The following EVI5L variants were observed in gnomAD, a reference collection of about 807,000 sequenced individuals.
EVI5L encodes ecotropic viral integration site 5 like, also known as EVI5-like protein.
Under a neutral mutation model 106.1 loss-of-function variants are expected in EVI5L, and 30 were observed. The ratio of observed to expected loss-of-function variants is 0.28; its 90% confidence interval spans 0.21 to 0.38. The LOEUF is 0.38. EVI5L is among the 10% of genes least tolerant of loss of function. The probability of loss-of-function intolerance (pLI) is 1.00; values close to 1 mark genes in which losing one functional copy is unlikely to be tolerated. For missense variants in EVI5L, 809 were observed against 1,098.0 expected, an observed-to-expected ratio of 0.74 and a Z score of 3.72; for synonymous variants, 489 against 483.3, an observed-to-expected ratio of 1.01 and a Z score of -0.15.
chr19:7,833,373 T>C (rs996538222), intron 1 of EVI5L, among the ~76,000 whole-genome samples: 3 of 152,234 alleles, frequency 2.0e-5, no homozygotes, highest in Non-Finnish European at 2.9e-5. Context: ...CCAAGCACCA[T>C]TGACATATTA....
chr19:7,863,404 G>A lies in EVI5L; in HGVS notation c.2140-20G>A, dbSNP rs990284045. 5 of 1,530,582 alleles carry A rather than the reference G, an allele frequency of 3.3e-6. No individual in the cohort carries two copies. The African/African-American group carries it at 5.5e-5, about 17-fold the overall frequency. 94.8% of individuals were successfully genotyped at this position (1,530,582 alleles called of 1,614,324 possible). The stretch of plus-strand genomic sequence containing the variant: ...GGCAGAAGGCCGGTCCACGCCTGCA[G>A]CGCCGGTCCCCCGCCCCAGGTGCGG... On this transcript the variant is annotated intron_variant, in intron 19 of 19. Coordinates refer to ENST00000538904, the MANE Select transcript of EVI5L (RefSeq NM_001159944.3). The surrounding 1 kb of genome is among the most constrained non-coding windows in gnomAD (Gnocchi z 7.7).
rs1979982942 is a variant in EVI5L at position 7,863,784 on chromosome 19, C to T, written c.*82C>T. On this transcript the variant is annotated 3_prime_UTR_variant, in exon 20 of 20. Coordinates refer to ENST00000538904, the MANE Select transcript of EVI5L (RefSeq NM_001159944.3). This position sits in a 1 kb window ranked among gnomAD's most constrained non-coding sequence, Gnocchi z 7.7. ...AGTCCGCGTTCTGCTCCCCACCTGC[C>T]GCACTTGACAAACTACGCGCCCTCT... 2.1e-6 allele frequency: 3 copies of T among 1,409,922 alleles called. No homozygotes were observed. The highest frequency in any genetic ancestry group is 2.8e-6 in the Non-Finnish European group (3 of 1,086,178). The allele number at this position is 1,409,922 out of a possible 1,614,324, so 87.3% of individuals were successfully genotyped here. A position where few individuals can be genotyped will look rare whatever the true frequency, so the allele number is the denominator to read the frequency against.
Position 7,846,532 on chromosome 19 carries a change from G to A in EVI5L, c.-11G>A. ...AACCAACCCCGCTCACGGCTAACAA[G>A]CCCACCCACCATGGCGAGCCCCACT... On this transcript the variant is annotated 5_prime_UTR_variant, in exon 2 of 20. Coordinates refer to ENST00000538904, the MANE Select transcript of EVI5L (RefSeq NM_001159944.3). 2 of 1,604,032 alleles carry A rather than the reference G, an allele frequency of 1.2e-6. No individual in the cohort carries two copies. The highest frequency in any genetic ancestry group is 1.7e-6 in the Non-Finnish European group (2 of 1,176,188).
intron 1 of EVI5L, among the ~76,000 whole-genome samples, chr19:7,843,218 A>G (rs548509): frequency 0.75 from 106,615 of 141,660 alleles, 39,316 homozygotes; most frequent in South Asian, 0.84. Flanking sequence ...TGTGAGAATA[A>G]GCATGGGTGT....
chr19:7,851,542 G>A lies in EVI5L; in HGVS notation c.862G>A (p.Val288Ile), dbSNP rs114119632. Residue 288 changes from valine to isoleucine, a missense_variant, in exon 7 of 20, where the codon GTC (valine) becomes ATC (isoleucine). Physicochemically the swap from Val to Ile is conservative, Grantham distance 29. Around this residue, in one of 2 missense-constraint regions of EVI5L, gnomAD observed 357 missense variants for 588.1 expected, o/e 0.61. Coordinates refer to ENST00000538904, the MANE Select transcript of EVI5L (RefSeq NM_001159944.3). ...GTTCCTGACCACCTTCCCACTCCCC[G>A]TCGCCACCCGGGTCTTTGACATCTT... Reference protein sequence around the residue: ...TLFLTTFPLPVATRVFDIFMY... With the variant: ...TLFLTTFPLPIATRVFDIFMY... 382 of 1,612,652 alleles carry A rather than the reference G, an allele frequency of 2.4e-4. No individual in the cohort carries two copies. Among genetic ancestry groups the A allele is most frequent in the African/African-American group, 1.8e-3 (138 of 74,984 alleles).
intron 8 of EVI5L, among the ~76,000 whole-genome samples, chr19:7,852,545 T>G (rs1473014074): frequency 8.1e-6 from 1 of 123,670 alleles, no homozygotes; most frequent in African/African-American, 2.9e-5. Flanking sequence ...TTTTCTTTTT[T>G]TCTTTTACCT....
At position 7,853,152 on chromosome 19, in the gene EVI5L, C is replaced by G. The variant is rs200315839; in HGVS notation, c.1054C>G (p.Gln352Glu). 22 of 1,613,946 alleles carry G rather than the reference C, an allele frequency of 1.4e-5. No individual in the cohort carries two copies. The highest frequency in any genetic ancestry group is 1.3e-5 in the Non-Finnish European group (15 of 1,180,050). The stretch of plus-strand genomic sequence containing the variant: ...GGACAAGCTGGTCCTCAAAGCCTAC[C>G]AGGTCAAGTACAACCCCAAGAAGAT... ...CPDKLVLKAY[Q>E]VKYNPKKMKR... is the part of the protein sequence containing the mutation. The change falls in exon 9 of 20, where the codon CAG (glutamine) becomes GAG (glutamate). Residue 352 changes from glutamine (Q) to glutamate (E), a missense_variant. Physicochemically the swap from Gln to Glu is conservative, Grantham distance 29. Coordinates refer to ENST00000538904, the MANE Select transcript of EVI5L (RefSeq NM_001159944.3).
At chr19:7,838,526 T>C (rs1384446981) in intron 1 of EVI5L, among the ~76,000 whole-genome samples, 1 of 152,252 alleles carries the variant, frequency 6.6e-6, no homozygotes, top group East Asian at 1.9e-4. Context: ...CTTATCACTG[T>C]TGATGTTGAC....
chr19:7,858,596 C>T lies in EVI5L; in HGVS notation c.1374+265C>T. ...CAACCCCCAGCCTCAGCACGGAGGC[C>T]TCTGAAGACCGGGCTGTCCCTGCAG... On this transcript the variant is annotated intron_variant, in intron 13 of 19. Coordinates refer to ENST00000538904, the MANE Select transcript of EVI5L (RefSeq NM_001159944.3). The surrounding 1 kb of genome is among the most constrained non-coding windows in gnomAD (Gnocchi z 5.7). 1 of 513,540 alleles carries T rather than the reference C, an allele frequency of 1.9e-6. No individual in the cohort carries two copies. Among genetic ancestry groups the T allele is most frequent in the Non-Finnish European group, 3.4e-6 (1 of 290,926 alleles). 31.8% of individuals were successfully genotyped at this position (513,540 alleles called of 1,614,324 possible).
intron 14 of EVI5L, 57 bp from the exon 15 acceptor site, chr19:7,861,821 A>G (rs1599580442): frequency 2.6e-6 from 4 of 1,543,212 alleles, no homozygotes; most frequent in East Asian, 4.9e-5. Flanking sequence ...TTTGTCCTGC[A>G]GGAAGGGCCA....
chr19:7,844,347 A>AAAGAAAG (rs1568236073), intron 1 of EVI5L, among the ~76,000 whole-genome samples: 12 of 140,902 alleles, frequency 8.5e-5, no homozygotes, highest in South Asian at 2.3e-4. Flanking sequence ...AAAAAAAAAA[A>AAAGAAAG]AAAGAAAGAA....
chr19:7,843,815 A>C (rs1347351463), intron 1 of EVI5L, among the ~76,000 whole-genome samples: 1 of 151,686 alleles, frequency 6.6e-6, no homozygotes, highest in Non-Finnish European at 1.5e-5. Flanking sequence ...AGAGTGTGAG[A>C]GTGCATGTGT....
Position 7,853,203 on chromosome 19 carries a change from C to T in EVI5L, c.1085+20C>T, listed in dbSNP as rs753544505. ...GAAGAGGTCGGTGCCTGCTGGGCAA[C>T]CAGGGTACTGGTAAGAAGGGGGGAC... is the stretch of plus-strand genomic sequence containing the variant. On this transcript the variant is annotated intron_variant, in intron 9 of 19. Coordinates refer to ENST00000538904, the MANE Select transcript of EVI5L (RefSeq NM_001159944.3). 9.9e-6 allele frequency: 16 copies of T among 1,614,038 alleles called. No homozygotes were observed. The South Asian group carries it at 1.4e-4, about 14-fold the overall frequency.
Position 7,862,122 on chromosome 19 carries a change from G to T in EVI5L, c.1645G>T (p.Ala549Ser), listed in dbSNP as rs1280725188. ...CCGGCTTCTCGGCTTCACCCCCCAG[G>T]CCCATCTGGCCCGCGGCGGCCGCTG... is the stretch of plus-strand genomic sequence containing the variant. ...QLQELSDTWQ[A>S]HLARGGRWKE... Residue 549 changes from alanine to serine, a missense_variant and splice_region_variant, in exon 16 of 20, where the codon GCC (alanine) becomes TCC (serine). By Grantham distance (99) the Ala-to-Ser change is moderately conservative (BLOSUM62 1). Transcript: ENST00000538904. 5 of 1,565,430 alleles carry T rather than the reference G, an allele frequency of 3.2e-6. No individual in the cohort carries two copies. The highest frequency in any genetic ancestry group is 4.3e-6 in the Non-Finnish European group (5 of 1,160,142).
At chr19:7,830,762 A>G (rs1490065292) in intron 1 of EVI5L, among the ~76,000 whole-genome samples, 1 of 47,628 alleles carries the variant, frequency 2.1e-5, no homozygotes, top group African/African-American at 8.6e-5. Context: ...CCCCAAGCCC[A>G]AGAACCCCCG....
chr19:7,859,350 G>A (rs1979689789), intron 13 of EVI5L, among the ~76,000 whole-genome samples: 1 of 152,172 alleles, frequency 6.6e-6, no homozygotes, highest in Non-Finnish European at 1.5e-5. Flanking sequence ...TGCCATCCTG[G>A]CCTGACCCAG....
At chr19:7,853,381 G>A (rs1218461315) in intron 10 of EVI5L, 48 bp downstream of exon 10, 1 of 1,579,112 alleles carries the variant, frequency 6.3e-7, no homozygotes, top group Non-Finnish European at 8.6e-7. Context: ...AGGCCTTTGG[G>A]GGCTGCCCTC....
chr19:7,838,811 A>G (rs926112362), intron 1 of EVI5L, among the ~76,000 whole-genome samples: 5 of 152,016 alleles, frequency 3.3e-5, no homozygotes, highest in Non-Finnish European at 7.4e-5. Flanking sequence ...GGATGCTGGA[A>G]GAAGGGAGGT....
Position 7,835,357 on chromosome 19 carries a change from A to G in EVI5L, c.-48+4976A>G, listed in dbSNP as rs966673637. Among the ~76,000 whole-genome samples the G allele has an allele frequency of 1.9e-4, 29 of 151,742 alleles. No homozygotes were observed. Among genetic ancestry groups the G allele is most frequent in the African/African-American group, 6.5e-4 (27 of 41,336 alleles). ...ACCCCGTCTCTACTAAAAATACAAA[A>G]ATTAGCGAGGTATAATGGCGGGCAT... On this transcript the variant is annotated intron_variant, in intron 1 of 19. Coordinates refer to ENST00000538904, the MANE Select transcript of EVI5L (RefSeq NM_001159944.3). This position sits in a 1 kb window ranked among gnomAD's most constrained non-coding sequence, Gnocchi z 4.1.
Sources: gnomAD v4.1 joint callset for allele counts (sites outside exome capture counted in the v4.1 genomes callset) on GRCh38, gnomAD v4.1.1 for gene constraint, gnomAD v4.1.1 regional missense constraint, Gnocchi (gnomAD v3.1) non-coding constraint, MANE v1.5 for transcripts, NCBI Gene and HGNC (gene_info 2026-07-23, HGNC 2026-07-21) for gene names.